Variants in MAP3K6 observed in about 807,000 individuals in gnomAD.
MAP3K6 encodes the protein apoptosis signal-regulating kinase 2.
In MAP3K6, 105 loss-of-function variants were observed where a neutral mutation model predicts 147.1. That is an observed-to-expected ratio of 0.71 (90% CI 0.61 to 0.84). MAP3K6 has a LOEUF of 0.84. Ranked by LOEUF, MAP3K6 falls within the 40% of genes least tolerant of loss-of-function variation. The pLI is 0.00. For missense variants in MAP3K6, 1,569 were observed against 1,715.0 expected, an observed-to-expected ratio of 0.91 and a Z score of 1.50; for synonymous variants, 695 against 732.4, an observed-to-expected ratio of 0.95 and a Z score of 0.82.
intron 9 of MAP3K6, 104 bp from the exon 10 acceptor site, chr1:27,361,971 C>G: frequency 6.6e-7 from 1 of 1,506,822 alleles, no homozygotes; most frequent in Non-Finnish European, 8.9e-7. Context: ...TGGGGTGCCA[C>G]GGGCACTGGT....
intron 5 of MAP3K6, 141 bp downstream of exon 5, chr1:27,363,776 C>T (rs1392595310): frequency 1.1e-6 from 1 of 931,232 alleles, no homozygotes; most frequent in African/African-American, 1.7e-5. Context: ...TCCTCTCTAA[C>T]AAATAAGGAG....
In MAP3K6 at chr1:27,359,581, C is replaced by A; in HGVS notation, c.2320-59G>T. 1.9e-6 allele frequency: 3 copies of A among 1,606,440 alleles called. No individual in the cohort carries two copies. The highest frequency in any genetic ancestry group is 2.6e-6 in the Non-Finnish European group (3 of 1,175,296). On this transcript the variant is annotated intron_variant, in intron 17 of 28. Coordinates refer to ENST00000357582, the MANE Select transcript of MAP3K6 (RefSeq NM_004672.5). This position sits in a 1 kb window ranked among gnomAD's most constrained non-coding sequence, Gnocchi z 4.4. ...GCCCCTGCCAGCAGAAGTAGACCCT[C>A]TTTCTGGGATCCCATCTCCTGGAGA...
chr1:27,359,512 A>G lies in MAP3K6; in HGVS notation c.2330T>C (p.Val777Ala). ...CAGCCCACTGAAGGTGTTGATCAGC[A>G]CATTGTCCCCCTGATTGACAGCCAT... ...IVHRDIKGDNVLINTFSGLLK... is the reference protein window; with the variant it reads ...IVHRDIKGDNALINTFSGLLK... The change falls in exon 18 of 29, where the codon GTG (valine) becomes GCG (alanine). Residue 777 changes from valine to alanine, a missense_variant. Val to Ala is a moderately conservative substitution (Grantham distance 64). Transcript: ENST00000357582. The surrounding 1 kb of genome is among the most constrained non-coding windows in gnomAD (Gnocchi z 4.4). The G allele has an allele frequency of 6.2e-7, 1 of 1,614,036 alleles. No individual in the cohort carries two copies. The highest frequency in any genetic ancestry group is 8.5e-7 in the Non-Finnish European group (1 of 1,179,992).
rs536088084 is a variant in MAP3K6 at position 27,362,680 on chromosome 1, C to A, written c.1216G>T (p.Gly406Trp). 8.7e-6 allele frequency: 14 copies of A among 1,605,612 alleles called. No individual in the cohort carries two copies. The highest frequency in any genetic ancestry group is 1.1e-5 in the South Asian group (1 of 89,782). Reference sequence around the variant, plus strand: ...TCTTTGGAATCCTCAAAGTGCTGCCCGGCAGCAATGAGGAGCACAGCTGCA... The same window carrying A: ...TCTTTGGAATCCTCAAAGTGCTGCCAGGCAGCAATGAGGAGCACAGCTGCA... ...INAAVLLIAA[G>W]QHFEDSKELR... The change falls in exon 8 of 29, where the codon GGG (glycine) becomes TGG (tryptophan). Residue 406 changes from glycine (G) to tryptophan (W), a missense_variant. Physicochemically the swap from Gly to Trp is radical, Grantham distance 184 (BLOSUM62 -2). Coordinates refer to ENST00000357582, the MANE Select transcript of MAP3K6 (RefSeq NM_004672.5).
chr1:27,358,884 G>A lies in MAP3K6; in HGVS notation c.2426-18C>T, dbSNP rs1571065863. The A allele has an allele frequency of 6.5e-7, 1 of 1,546,078 alleles. No individual in the cohort carries two copies. The highest frequency in any genetic ancestry group is 8.7e-7 in the Non-Finnish European group (1 of 1,146,336). ...CAGAGTTCCTAGGACAGAAACAGGA[G>A]CACCAATGCCCATCTAGGCTTCATC... On this transcript the variant is annotated intron_variant, in intron 18 of 28. Transcript: ENST00000357582. This position sits in a 1 kb window ranked among gnomAD's most constrained non-coding sequence, Gnocchi z 6.2.
chr1:27,359,607 T>C lies in MAP3K6; in HGVS notation c.2320-85A>G. The C allele has an allele frequency of 1.9e-6, 3 of 1,576,546 alleles. No homozygotes were observed. Among genetic ancestry groups the C allele is most frequent in the Non-Finnish European group, 1.7e-6 (2 of 1,157,194 alleles). On this transcript the variant is annotated intron_variant, in intron 17 of 28. Transcript: ENST00000357582. The surrounding 1 kb of genome is among the most constrained non-coding windows in gnomAD (Gnocchi z 4.4). The stretch of plus-strand genomic sequence containing the variant: ...TTTCTGGGATCCCATCTCCTGGAGA[T>C]CCCAGCCTGGTCCTGCCTCTGTCAA...
At position 27,355,664 on chromosome 1, in the gene MAP3K6, T is replaced by C. The variant is rs778916451; in HGVS notation, c.3788+5A>G. On this transcript the variant is annotated splice_donor_5th_base_variant and intron_variant, in intron 28 of 28. Coordinates refer to ENST00000357582, the MANE Select transcript of MAP3K6 (RefSeq NM_004672.5). Reference sequence around the variant, plus strand: ...TGGTTCACACTTGGGGGGCCCAGGATGTACCTGATGCGGGTGTAGATGAGG... The same window carrying C: ...TGGTTCACACTTGGGGGGCCCAGGACGTACCTGATGCGGGTGTAGATGAGG... The C allele has an allele frequency of 1.9e-6, 3 of 1,613,360 alleles. No homozygotes were observed. The African/African-American group carries it at 4.0e-5, about 22-fold the overall frequency.
chr1:27,355,918 G>A, intron 27 of MAP3K6, 108 bp downstream of exon 27: 4 of 1,181,200 alleles, frequency 3.4e-6, no homozygotes, highest in Non-Finnish European at 5.0e-6. Flanking sequence ...TGTTCTTCTG[G>A]TAGTGAGATT....
chr1:27,364,916 C>A lies in MAP3K6; in HGVS notation c.341-4G>T, dbSNP rs1173623985. On this transcript the variant is annotated splice_region_variant and splice_polypyrimidine_tract_variant and intron_variant, in intron 1 of 28. Coordinates refer to ENST00000357582, the MANE Select transcript of MAP3K6 (RefSeq NM_004672.5). The surrounding 1 kb of genome is among the most constrained non-coding windows in gnomAD (Gnocchi z 4.4). ...CTCACCTCCAGCACCACCACATCTG[C>A]AGGCACAGAGGGGGTGGCGCTGATC... 6.3e-7 allele frequency: 1 copy of A among 1,580,374 alleles called. No individual in the cohort carries two copies. Among genetic ancestry groups the A allele is most frequent in the East Asian group, 2.3e-5 (1 of 44,420 alleles).
In MAP3K6 at chr1:27,366,407, C is replaced by T. The variant is rs1239957581; in HGVS notation, c.191G>A (p.Gly64Glu). Residue 64 changes from glycine (G) to glutamate (E), a missense_variant, in exon 1 of 29, where the codon GGA (glycine) becomes GAA (glutamate). Transcript: ENST00000357582. The surrounding 1 kb of genome is among the most constrained non-coding windows in gnomAD (Gnocchi z 5.5). ...EPQPGLEPRE[G>E]TEAEPLPLRC... ...CAGGGGCAGCGGCTCCGCCTCGGTT[C>T]CCTCCCGAGGCTCGAGCCCGGGCTG... 1.6e-6 allele frequency: 2 copies of T among 1,234,628 alleles called. No individual in the cohort carries two copies. Among genetic ancestry groups the T allele is most frequent in the African/African-American group, 3.1e-5 (2 of 63,884 alleles). 76.5% of individuals were successfully genotyped at this position (1,234,628 alleles called of 1,614,324 possible). A position where few individuals can be genotyped will look rare whatever the true frequency, so the allele number is the denominator to read the frequency against.
Position 27,366,282 on chromosome 1 carries a change from C to G in MAP3K6, c.316G>C (p.Ala106Pro). Residue 106 changes from alanine (A) to proline (P), a missense_variant, in exon 1 of 29, where the codon GCT becomes CCT. Coordinates refer to ENST00000357582, the MANE Select transcript of MAP3K6 (RefSeq NM_004672.5). The surrounding 1 kb of genome is among the most constrained non-coding windows in gnomAD (Gnocchi z 5.5). The part of the protein sequence containing the change: ...FGTLELGDTA[A>P]LDAFYNADVV... ...CCCGCGTTGTAGAAGGCATCCAGAGCCGCGGTGTCGCCTAGCTCCAGCGTC... is the reference window on the plus strand; with the variant it reads ...CCCGCGTTGTAGAAGGCATCCAGAGGCGCGGTGTCGCCTAGCTCCAGCGTC... 1 of 1,339,190 alleles carries G rather than the reference C, an allele frequency of 7.5e-7. No homozygotes were observed. The highest frequency in any genetic ancestry group is 1.8e-5 in the South Asian group (1 of 54,358). 83.0% of individuals were successfully genotyped at this position (1,339,190 alleles called of 1,614,324 possible).
At position 27,362,892 on chromosome 1, in the gene MAP3K6, C is replaced by G; in HGVS notation, c.1101G>C (p.Ser367=). The change falls in exon 7 of 29, where the codon TCG becomes TCC. Residue 367 remains serine (S), a synonymous_variant. Transcript: ENST00000357582. ...GRIYKDMFFS[S]GFQDAGHREQ... is the part of the protein sequence containing the mutation. ...CCCGGTGCCCAGCATCCTGGAAACC[C>G]GAGCTGAAGAACATGTCCTTGTAGA... is the stretch of plus-strand genomic sequence containing the variant. 2 of 1,614,118 alleles carry G rather than the reference C, an allele frequency of 1.2e-6. No homozygotes were observed. Among genetic ancestry groups the G allele is most frequent in the African/African-American group, 1.3e-5 (1 of 75,046 alleles).
intron 25 of MAP3K6, 44 bp downstream of exon 25, chr1:27,356,546 G>T (rs1270781030): frequency 1.9e-6 from 3 of 1,611,210 alleles, no homozygotes; most frequent in Admixed American, 1.7e-5. Context: ...TGGTGAGTGG[G>T]TTGAAGCCCG....
chr1:27,362,782 G>A, intron 7 of MAP3K6, 29 bp from the exon 8 acceptor site: 1 of 1,610,498 alleles, frequency 6.2e-7, no homozygotes, highest in Non-Finnish European at 8.5e-7. Context: ...GCACAGGGCT[G>A]GACTGATGCC....
chr1:27,363,608 G>T (rs2015865116), intron 5 of MAP3K6, 60 bp from the exon 6 acceptor site: 3 of 1,357,172 alleles, frequency 2.2e-6, no homozygotes, highest in South Asian at 1.3e-5. Context: ...GGAACCTTGA[G>T]CCAGGGTCCT....
chr1:27,366,768 G>T lies in MAP3K6; in HGVS notation c.-171C>A. The T allele has an allele frequency of 2.6e-6, 1 of 380,222 alleles. No homozygotes were observed. Among genetic ancestry groups the T allele is most frequent in the Non-Finnish European group, 3.7e-6 (1 of 273,532 alleles). The allele number at this position is 380,222 out of a possible 1,614,324, so 23.6% of individuals were successfully genotyped here. ...TGACGTCCCGTTCCAGGAATCTAAAGTCCAGGGAGAAATCCTAGCTCGGAC... is the reference window on the plus strand; with the variant it reads ...TGACGTCCCGTTCCAGGAATCTAAATTCCAGGGAGAAATCCTAGCTCGGAC... On this transcript the variant is annotated 5_prime_UTR_variant, in exon 1 of 29. Transcript: ENST00000357582. The surrounding 1 kb of genome is among the most constrained non-coding windows in gnomAD (Gnocchi z 5.5).
chr1:27,364,974 G>C lies in MAP3K6; in HGVS notation c.341-62C>G. On this transcript the variant is annotated intron_variant, in intron 1 of 28. Transcript: ENST00000357582. The surrounding 1 kb of genome is among the most constrained non-coding windows in gnomAD (Gnocchi z 4.4). ...CCCAGCTTGATGGGGAAGGAGCCGG[G>C]GTCCATCCTGGCTTGACCTGCCTTG... 6.6e-7 allele frequency: 1 copy of C among 1,520,498 alleles called. No homozygotes were observed. The highest frequency in any genetic ancestry group is 8.9e-7 in the Non-Finnish European group (1 of 1,129,364). 94.2% of individuals were successfully genotyped at this position (1,520,498 alleles called of 1,614,324 possible). A position where few individuals can be genotyped will look rare whatever the true frequency, so the allele number is the denominator to read the frequency against.
rs1557565563 is a variant in MAP3K6 at position 27,363,030 on chromosome 1, A to G, written c.972-9T>C. On this transcript the variant is annotated splice_polypyrimidine_tract_variant and intron_variant, in intron 6 of 28. Transcript: ENST00000357582. The stretch of plus-strand genomic sequence containing the variant: ...CCCCAGGCCTGTTCCTCCTAGGGAA[A>G]AGATGGGCTCAGGCCCTCCCTGATG... 1 of 1,611,742 alleles carries G rather than the reference A, an allele frequency of 6.2e-7. No homozygotes were observed.
At position 27,360,035 on chromosome 1, in the gene MAP3K6, G is replaced by A. The variant is rs1221748985; in HGVS notation, c.2183-41C>T. On this transcript the variant is annotated intron_variant, in intron 16 of 28. Transcript: ENST00000357582. This position sits in a 1 kb window ranked among gnomAD's most constrained non-coding sequence, Gnocchi z 4.5. ...CCAAGTTCATTCTTCCCACCCACTG[G>A]CTCCAGCCCACATCTCTCTGCTCAA... The A allele has an allele frequency of 2.5e-6, 4 of 1,611,612 alleles. No individual in the cohort carries two copies. The East Asian group carries it at 8.9e-5, about 36-fold the overall frequency.
Sources: allele counts gnomAD v4.1 joint callset, GRCh38; gene constraint gnomAD v4.1.1; non-coding constraint Gnocchi (gnomAD v3.1); transcripts MANE v1.5; gene names NCBI Gene and HGNC (gene_info 2026-07-23, HGNC 2026-07-21).